Variants in CAMK4 observed in about 807,000 individuals in gnomAD.
The protein encoded by CAMK4 is calcium/calmodulin-dependent protein kinase type IV.
A neutral mutation model predicts 44.9 loss-of-function variants in CAMK4; 22 were observed. The observed-to-expected ratio is 0.49, with a 90% confidence interval of 0.35 to 0.70. The LOEUF is 0.70. CAMK4 is among the 30% of genes least tolerant of loss of function. The probability of loss-of-function intolerance (pLI) is 0.01; values close to 1 mark genes in which losing one functional copy is unlikely to be tolerated. For missense variants in CAMK4, 498 were observed against 586.8 expected (o/e 0.85, Z 1.56); for synonymous variants, 218 against 215.4 (o/e 1.01, Z -0.11).
chr5:111,378,725 G>A (rs1049269189), intron 4 of CAMK4, among the ~76,000 whole-genome samples: 1 of 152,174 alleles, frequency 6.6e-6, no homozygotes, highest in African/African-American at 2.4e-5. Context: ...TCTGGCAGCA[G>A]TTGTTTTTTT....
rs1375936626 is a variant in CAMK4 at position 111,458,787 on chromosome 5, A to G, written c.625+9584A>G. Among the ~76,000 whole-genome samples, 4 of 152,210 alleles carry G rather than the reference A, an allele frequency of 2.6e-5. No homozygotes were observed. The East Asian group carries it at 7.7e-4, about 29-fold the overall frequency. On this transcript the variant is annotated intron_variant, in intron 7 of 10. Coordinates refer to ENST00000282356, the MANE Select transcript of CAMK4 (RefSeq NM_001744.6). ...ACCTAGTGAAAGAATGTTCTAGGTG[A>G]AGGGGATGGGGCACACTAATCCTGA...
At chr5:111,346,482 TTATC>T (rs58011893) in intron 2 of CAMK4, among the ~76,000 whole-genome samples, 5,727 of 149,996 alleles carry the variant, frequency 0.038, 360 homozygotes, top group African/African-American at 0.13. Flanking sequence ...GCTTGAAACT[TTATC>T]TATCTATCTA....
rs948396553 is a variant in CAMK4, at chr5:111,485,252, G to A, written c.*786G>A. On this transcript the variant is annotated 3_prime_UTR_variant, in exon 11 of 11. Transcript: ENST00000282356. ...AGCTTAGGGTGTAATAAACAGGGAA[G>A]AAAAGAAGGTAAGACTGTACTTAAA... is the stretch of plus-strand genomic sequence containing the variant. 2 of 152,166 alleles carry A rather than the reference G, an allele frequency of 1.3e-5. No individual in the cohort carries two copies. Among genetic ancestry groups the A allele is most frequent in the African/African-American group, 4.8e-5 (2 of 41,444 alleles). 9.4% of individuals were successfully genotyped at this position (152,166 alleles called of 1,614,324 possible).
At chr5:111,329,068 T>A (rs186058595) in intron 1 of CAMK4, among the ~76,000 whole-genome samples, 18 of 152,030 alleles carry the variant, frequency 1.2e-4, no homozygotes, top group Admixed American at 7.2e-4. Context: ...CAAGGCTGGT[T>A]CAACATATGC....
intron 1 of CAMK4, among the ~76,000 whole-genome samples, chr5:111,236,378 AG>A (rs1294277776): frequency 6.6e-6 from 1 of 152,216 alleles, no homozygotes; most frequent in Non-Finnish European, 1.5e-5. Context: ...ACTGTCTTTA[AG>A]TACGTTGCTA....
chr5:111,250,065 A>C (rs906430951), intron 1 of CAMK4, among the ~76,000 whole-genome samples: 4 of 152,256 alleles, frequency 2.6e-5, no homozygotes, highest in Non-Finnish European at 4.4e-5. Flanking sequence ...GGACTACCTG[A>C]TTATCTGTCT....
At chr5:111,423,951 C>T (rs956558731) in intron 5 of CAMK4, among the ~76,000 whole-genome samples, 2 of 152,194 alleles carry the variant, frequency 1.3e-5, no homozygotes, top group Non-Finnish European at 1.5e-5. Flanking sequence ...ATTTTACATA[C>T]GAGGAGACCA....
chr5:111,389,218 G>C (rs1048649469), intron 4 of CAMK4, among the ~76,000 whole-genome samples: 1 of 152,088 alleles, frequency 6.6e-6, no homozygotes, highest in African/African-American at 2.4e-5. Context: ...GCTTTCTAGG[G>C]TGTCTTTTAT....
chr5:111,477,713 A>G (rs1473641036), intron 8 of CAMK4, among the ~76,000 whole-genome samples: 1 of 152,132 alleles, frequency 6.6e-6, no homozygotes, highest in African/African-American at 2.4e-5. Flanking sequence ...GAGGGTGCTC[A>G]TCTCTTTGGC....
intron 9 of CAMK4, among the ~76,000 whole-genome samples, chr5:111,480,267 C>T (rs1755388452): frequency 6.6e-6 from 1 of 150,508 alleles, no homozygotes; most frequent in South Asian, 2.1e-4. Context: ...CACACACACA[C>T]ACACACACAC....
At chr5:111,338,025 T>C (rs1026657962) in intron 1 of CAMK4, among the ~76,000 whole-genome samples, 2 of 151,200 alleles carry the variant, frequency 1.3e-5, no homozygotes, top group Non-Finnish European at 3.0e-5. Context: ...ATTTCCCAAA[T>C]GACTAATGAT....
At chr5:111,448,815 C>T (rs1754120241) in intron 6 of CAMK4, among the ~76,000 whole-genome samples, 1 of 152,016 alleles carries the variant, frequency 6.6e-6, no homozygotes, top group South Asian at 2.1e-4. Context: ...AACAAACAAA[C>T]AAACAAAAAC....
intron 1 of CAMK4, among the ~76,000 whole-genome samples, chr5:111,228,990 A>T (rs1414786497): frequency 6.6e-6 from 1 of 152,200 alleles, no homozygotes; most frequent in African/African-American, 2.4e-5. Context: ...GAACTCAGAG[A>T]CTGAGAAGTG....
intron 1 of CAMK4, among the ~76,000 whole-genome samples, chr5:111,267,145 A>G (rs1165080348): frequency 2.0e-5 from 3 of 152,062 alleles, no homozygotes; most frequent in African/African-American, 2.4e-5. Flanking sequence ...CTTGTTGTCT[A>G]TTTTAAGATA....
At chr5:111,371,326 G>A (rs1256002969) in intron 2 of CAMK4, among the ~76,000 whole-genome samples, 1 of 152,110 alleles carries the variant, frequency 6.6e-6, no homozygotes, top group Non-Finnish European at 1.5e-5. Flanking sequence ...AAGTCTTTTA[G>A]AATAAGCCCA....
chr5:111,285,636 T>C (rs1751209561), intron 1 of CAMK4, among the ~76,000 whole-genome samples: 1 of 152,228 alleles, frequency 6.6e-6, no homozygotes, highest in Non-Finnish European at 1.5e-5. Context: ...TTCTCTTTTG[T>C]TTATGACTGC....
chr5:111,268,058 T>A (rs1467461940), intron 1 of CAMK4, among the ~76,000 whole-genome samples: 2 of 152,208 alleles, frequency 1.3e-5, no homozygotes, highest in African/African-American at 4.8e-5. Flanking sequence ...TTGGCATCAT[T>A]AGGCCCAGTG....
chr5:111,470,283 G>A (rs1416413665), intron 7 of CAMK4, among the ~76,000 whole-genome samples: 2 of 152,178 alleles, frequency 1.3e-5, no homozygotes, highest in African/African-American at 2.4e-5. Flanking sequence ...AGCCATGCAT[G>A]TTTCTTAATT....
At chr5:111,324,009 T>C (rs1157076041) in intron 1 of CAMK4, among the ~76,000 whole-genome samples, 16 of 152,062 alleles carry the variant, frequency 1.1e-4, no homozygotes, top group Admixed American at 1.1e-3. Flanking sequence ...AAGATGTTTA[T>C]ATTTTACAGT....
Sources: allele counts gnomAD v4.1 joint callset (sites outside exome capture counted in the v4.1 genomes callset), GRCh38; gene constraint gnomAD v4.1.1; transcripts MANE v1.5; gene names NCBI Gene and HGNC (gene_info 2026-07-23, HGNC 2026-07-21).